MROH2B: variants seen among roughly 807,000 people sequenced by gnomAD.
MROH2B encodes the protein maestro heat-like repeat-containing protein family member 2B.
A neutral mutation model predicts 208.6 loss-of-function variants in MROH2B; 177 were observed. The observed-to-expected ratio is 0.85, with a 90% confidence interval of 0.75 to 0.96. MROH2B has a LOEUF of 0.96. MROH2B is among the 40% of genes least tolerant of loss of function. The pLI is 0.00. For synonymous variants in MROH2B, 728 were observed against 659.0 expected, an observed-to-expected ratio of 1.10 and a Z score of -1.60; for missense variants, 2,002 against 1,878.7, an observed-to-expected ratio of 1.07 and a Z score of -1.21.
chr5:41,003,241 G>A (rs889151710), intron 37 of MROH2B, among the ~76,000 whole-genome samples: 41 of 152,208 alleles, frequency 2.7e-4, no homozygotes, highest in Non-Finnish European at 3.5e-4. Flanking sequence ...GATTACAGGC[G>A]TGAGCCACCA....
At position 41,000,817 on chromosome 5, in the gene MROH2B, C is replaced by A. The variant is rs1741374467; in HGVS notation, c.4211G>T (p.Arg1404Ile). The change falls in exon 38 of 42, where the codon AGA becomes ATA. Residue 1404 changes from arginine to isoleucine, a missense_variant. Arg to Ile is a moderately conservative substitution (Grantham distance 97). Coordinates refer to ENST00000399564, the MANE Select transcript of MROH2B (RefSeq NM_173489.5). Reference protein sequence around the residue: ...TFFEDEQDDVRLTAIFLFEDL... With the variant: ...TFFEDEQDDVILTAIFLFEDL... The stretch of plus-strand genomic sequence containing the variant: ...CTCAAATAAGAAGATGGCAGTCAAT[C>A]TCACATCATCCTGCTCCTGTGGTGA... 1 of 1,611,038 alleles carries A rather than the reference C, an allele frequency of 6.2e-7. No individual in the cohort carries two copies. The highest frequency in any genetic ancestry group is 1.7e-5 in the Admixed American group (1 of 59,624).
In MROH2B at chr5:41,015,379, A is replaced by G; in HGVS notation, c.2982+2T>C. ...ATCCCCTGGCCACTCCATATTTATT[A>G]CCTTAGCTATTTTAGAAGAAATCTT... On this transcript the variant is annotated splice_donor_variant, in intron 29 of 41. Transcript: ENST00000399564. LOFTEE classifies it high-confidence loss of function. 2 of 1,612,744 alleles carry G rather than the reference A, an allele frequency of 1.2e-6. No homozygotes were observed. Among genetic ancestry groups the G allele is most frequent in the Non-Finnish European group, 1.7e-6 (2 of 1,179,168 alleles).
At chr5:41,000,032 T>C (rs935123225) in intron 39 of MROH2B, 188 bp downstream of exon 39, 5 of 770,596 alleles carry the variant, frequency 6.5e-6, no homozygotes, top group African/African-American at 1.8e-5. Context: ...GACTTGGGAA[T>C]GGAGCAGAGG....
In MROH2B at chr5:41,012,724, C is replaced by T. The variant is rs2111843672; in HGVS notation, c.2994G>A (p.Lys998=). Residue 998 remains lysine (K), a synonymous_variant, in exon 30 of 42, where the codon AAG becomes AAA. Coordinates refer to ENST00000399564, the MANE Select transcript of MROH2B (RefSeq NM_173489.5). The stretch of plus-strand genomic sequence containing the variant: ...TCAGAATTTCTTCATTTGGGATGAA[C>T]TTACTGACAATCTGAAAATGCACCC... ...ISSKIAKIVS[K]FIPNEEILMF... The T allele has an allele frequency of 6.2e-7, 1 of 1,613,274 alleles. No homozygotes were observed.
At chr5:41,065,835 A>G (rs1444839761) in intron 3 of MROH2B, among the ~76,000 whole-genome samples, 2 of 152,114 alleles carry the variant, frequency 1.3e-5, no homozygotes, top group African/African-American at 2.4e-5. Context: ...ATCTTTCACC[A>G]TGGTTTTCTA....
In MROH2B at chr5:41,058,161, GC is replaced by G. The variant is rs780685740; in HGVS notation, c.657del (p.Leu219PhefsTer20). On this transcript the variant is annotated frameshift_variant, in exon 7 of 42. Coordinates refer to ENST00000399564, the MANE Select transcript of MROH2B (RefSeq NM_173489.5). LOFTEE classifies it high-confidence loss of function. Reference sequence around the variant, plus strand: ...CCACGGAAGTCTTCCCGATGCAGCAGCAAGCTCACCGTGGGCCCGTGGGCCT... The same window carrying G: ...CCACGGAAGTCTTCCCGATGCAGCAGAAGCTCACCGTGGGCCCGTGGGCCT... ...IVKAHGPTVS[L>X]LLHREDFRGY... The G allele has an allele frequency of 6.2e-7, 1 of 1,605,570 alleles. No individual in the cohort carries two copies. The highest frequency in any genetic ancestry group is 1.7e-5 in the Admixed American group (1 of 58,746).
chr5:41,015,865 TG>T (rs1741932355), intron 28 of MROH2B, among the ~76,000 whole-genome samples: 1 of 152,224 alleles, frequency 6.6e-6, no homozygotes, highest in Non-Finnish European at 1.5e-5. Context: ...CTATCTCTCT[TG>T]GATTTCTATT....
At position 41,070,943 on chromosome 5, in the gene MROH2B, T is replaced by TCATA. The variant is rs1743971524; in HGVS notation, c.-95_-92dup. ...TCAAAGAGGCAGGTTGGCAAGTTTCTCATATAAGGTTCACATAAGCCTCTC... is the reference window on the plus strand; with the variant it reads ...TCAAAGAGGCAGGTTGGCAAGTTTCTCATACATATAAGGTTCACATAAGCCTCTC... On this transcript the variant is annotated 5_prime_UTR_variant, in exon 1 of 42. It adds an upstream start codon to the 5' untranslated region. Coordinates refer to ENST00000399564, the MANE Select transcript of MROH2B (RefSeq NM_173489.5). 7.6e-7 allele frequency: 1 copy of TCATA among 1,307,222 alleles called. No individual in the cohort carries two copies. The highest frequency in any genetic ancestry group is 1.5e-5 in the African/African-American group (1 of 68,396). The allele number at this position is 1,307,222 out of a possible 1,614,324, so 81.0% of individuals were successfully genotyped here.
intron 33 of MROH2B, among the ~76,000 whole-genome samples, chr5:41,007,795 A>G (rs1034858634): frequency 6.6e-6 from 1 of 152,222 alleles, no homozygotes; most frequent in African/African-American, 2.4e-5. Flanking sequence ...GTGTGTTACA[A>G]TTGTTCTTGG....
chr5:41,006,361 G>C (rs1408855948), intron 34 of MROH2B, among the ~76,000 whole-genome samples: 1 of 152,140 alleles, frequency 6.6e-6, no homozygotes, highest in Non-Finnish European at 1.5e-5. Flanking sequence ...TGGATGCCGT[G>C]AAAAGAGAAT....
intron 24 of MROH2B, among the ~76,000 whole-genome samples, chr5:41,020,130 T>C (rs1210972699): frequency 6.6e-6 from 1 of 152,138 alleles, no homozygotes; most frequent in African/African-American, 2.4e-5. Flanking sequence ...ACATGGGATT[T>C]TGAAGATTTA....
chr5:41,024,731 T>C (rs7379002), intron 24 of MROH2B, among the ~76,000 whole-genome samples: 116,618 of 152,102 alleles, frequency 0.77, 45,039 homozygotes, highest in Non-Finnish European at 0.82. Flanking sequence ...ACAGAATATA[T>C]ATTCTTCTAA....
chr5:41,044,711 TG>T (rs1259157973), intron 18 of MROH2B, among the ~76,000 whole-genome samples: 5 of 152,206 alleles, frequency 3.3e-5, no homozygotes, highest in African/African-American at 9.7e-5. Flanking sequence ...AGTCGATCAA[TG>T]AGGAGAATTT....
At chr5:41,027,018 A>C (rs1012631559) in intron 24 of MROH2B, among the ~76,000 whole-genome samples, 1 of 152,196 alleles carries the variant, frequency 6.6e-6, no homozygotes, top group Non-Finnish European at 1.5e-5. Flanking sequence ...CCTTCCTTAC[A>C]CCTTATACAA....
intron 21 of MROH2B, among the ~76,000 whole-genome samples, chr5:41,035,631 A>T (rs1579935445): frequency 6.6e-6 from 1 of 152,120 alleles, no homozygotes; most frequent in Non-Finnish European, 1.5e-5. Context: ...AGCAAAGAAA[A>T]AACAACCCCA....
Position 41,018,690 on chromosome 5 carries a change from C to T in MROH2B, c.2673+1G>A, listed in dbSNP as rs760741592. The stretch of plus-strand genomic sequence containing the variant: ...TCAGTTTGAGTGGAGGCTCTACTCA[C>T]ATTAAACATTTCTTGACAGTCCTCT... On this transcript the variant is annotated splice_donor_variant, in intron 26 of 41. Transcript: ENST00000399564. LOFTEE classifies it high-confidence loss of function. 5.0e-5 allele frequency: 81 copies of T among 1,613,558 alleles called. 1 individual carries two copies. Among genetic ancestry groups the T allele is most frequent in the Admixed American group, 3.7e-4 (22 of 59,946 alleles).
Position 41,055,861 on chromosome 5 carries a change from G to C in MROH2B, c.920-6C>G. On this transcript the variant is annotated splice_region_variant and splice_polypyrimidine_tract_variant and intron_variant, in intron 9 of 41. Coordinates refer to ENST00000399564, the MANE Select transcript of MROH2B (RefSeq NM_173489.5). ...CTCTCCAGGATTGGAATGGGCTGCA[G>C]GTTCAAGAAACACTAGAGCTGTAAC... 1 of 1,599,730 alleles carries C rather than the reference G, an allele frequency of 6.3e-7. No homozygotes were observed. Among genetic ancestry groups the C allele is most frequent in the East Asian group, 2.2e-5 (1 of 44,780 alleles).
intron 29 of MROH2B, among the ~76,000 whole-genome samples, chr5:41,014,619 C>T (rs896861623): frequency 2.6e-5 from 4 of 152,088 alleles, no homozygotes; most frequent in African/African-American, 9.7e-5. Context: ...AACCAAGTTC[C>T]TTAAAAAGGC....
chr5:41,059,002 G>A (rs934645546), intron 6 of MROH2B, among the ~76,000 whole-genome samples: 1 of 149,344 alleles, frequency 6.7e-6, no homozygotes, highest in Admixed American at 6.7e-5. Context: ...GAGTGGAGAT[G>A]GCGCCACTGC....
Sources: allele counts gnomAD v4.1 joint callset (sites outside exome capture counted in the v4.1 genomes callset), GRCh38; gene constraint gnomAD v4.1.1; transcripts MANE v1.5; gene names NCBI Gene and HGNC (gene_info 2026-07-23, HGNC 2026-07-21).